Variants in NBEA observed in about 807,000 individuals in gnomAD.
NBEA encodes lysosomal-trafficking regulator 2.
A neutral mutation model predicts 343.4 loss-of-function variants in NBEA; 44 were observed. The observed-to-expected ratio is 0.13, with a 90% CI of 0.10 to 0.16. NBEA has a LOEUF of 0.16. NBEA is among the 10% of genes least tolerant of loss of function. The pLI, the probability that NBEA is intolerant of heterozygous loss-of-function variation, is 1.00. For missense variants in NBEA, 2,555 were observed against 3,631.3 expected, an observed-to-expected ratio of 0.70 and a Z score of 7.62; for synonymous variants, 1,175 against 1,238.7, an observed-to-expected ratio of 0.95 and a Z score of 1.08.
At chr13:35,459,165 G>A (rs1594708921) in intron 40 of NBEA, among the ~76,000 whole-genome samples, 1 of 151,996 alleles carries the variant, frequency 6.6e-6, no homozygotes, top group South Asian at 2.1e-4. Flanking sequence ...GACCCACTTT[G>A]TTGCCCATGA....
rs1032458948 is a variant in NBEA at position 35,015,923 on chromosome 13, C to T, written c.295-25010C>T. 6.6e-5 allele frequency among the ~76,000 whole-genome samples: 10 copies of T among 151,836 alleles called. No homozygotes were observed. The East Asian group carries it at 7.7e-4, about 12-fold the overall frequency. On this transcript the variant is annotated intron_variant, in intron 1 of 58. Coordinates refer to ENST00000379939, the MANE Select transcript of NBEA (RefSeq NM_001385012.1). ...ATAATTATGGCTGAATTTTGAGATT[C>T]GGATAAAAAAGGAATATAGATATTA...
intron 34 of NBEA, among the ~76,000 whole-genome samples, chr13:35,253,104 C>T (rs1022961775): frequency 6.6e-6 from 1 of 152,146 alleles, no homozygotes; most frequent in East Asian, 1.9e-4. Context: ...TTGAAGGAAA[C>T]AACCATGGGA....
chr13:35,470,768 C>A (rs144218804), intron 40 of NBEA, among the ~76,000 whole-genome samples: 1 of 152,198 alleles, frequency 6.6e-6, no homozygotes, highest in South Asian at 2.1e-4. Context: ...CAGGAGGCGC[C>A]GCCAAGCGCG....
intron 1 of NBEA, among the ~76,000 whole-genome samples, chr13:35,008,013 T>C (rs1011499556): frequency 8.5e-5 from 13 of 152,202 alleles, no homozygotes; most frequent in African/African-American, 3.1e-4. Context: ...AGGCTTTGGA[T>C]ACTGTTATCT....
At chr13:35,025,746 C>G (rs2061999110) in intron 1 of NBEA, among the ~76,000 whole-genome samples, 1 of 152,144 alleles carries the variant, frequency 6.6e-6, no homozygotes, top group Non-Finnish European at 1.5e-5. Flanking sequence ...TCACTTGTCT[C>G]TCACTAGTTT....
At chr13:35,246,814 G>A (rs1455010994) in intron 34 of NBEA, among the ~76,000 whole-genome samples, 1 of 152,164 alleles carries the variant, frequency 6.6e-6, no homozygotes, top group Non-Finnish European at 1.5e-5. Flanking sequence ...GGGAGGATCA[G>A]GTGGTAGTAT....
chr13:35,072,541 CTTTT>C (rs945644022), intron 10 of NBEA, among the ~76,000 whole-genome samples: 6 of 151,652 alleles, frequency 4.0e-5, no homozygotes, highest in South Asian at 2.1e-4. Context: ...TCTATTATGT[CTTTT>C]GTTTGTTTGT....
intron 7 of NBEA, 136 bp from the exon 8 acceptor site, chr13:35,058,581 T>C: frequency 1.4e-6 from 1 of 710,858 alleles, no homozygotes; most frequent in Non-Finnish European, 2.3e-6. Context: ...ATTAAAATAA[T>C]AAAGTCTTAA....
rs369842812 is a variant in NBEA at position 35,183,986 on chromosome 13, A to G, written c.4842A>G (p.Ile1614Met). The G allele has an allele frequency of 2.1e-5, 34 of 1,610,570 alleles. No homozygotes were observed. The highest frequency in any genetic ancestry group is 5.3e-5 in the African/African-American group (4 of 74,884). ...TGATTTTCTCCACAGTTGTGGTCATACCATCTATCCCTCATCCAAGTTTGA... is the reference window on the plus strand; with the variant it reads ...TGATTTTCTCCACAGTTGTGGTCATGCCATCTATCCCTCATCCAAGTTTGA... ...INSPTSTVVV[I>M]PSIPHPSLNH... Residue 1614 changes from isoleucine (I) to methionine (M), a missense_variant, in exon 30 of 59, where the codon ATA (isoleucine) becomes ATG (methionine). Ile to Met is a conservative substitution (Grantham distance 10). Coordinates refer to ENST00000379939, the MANE Select transcript of NBEA (RefSeq NM_001385012.1).
At chr13:35,318,901 T>C (rs184097274) in intron 36 of NBEA, among the ~76,000 whole-genome samples, 201 of 152,344 alleles carry the variant, frequency 1.3e-3, no homozygotes, top group African/African-American at 4.7e-3. Flanking sequence ...GAGGTGTTTA[T>C]AGTATTCTCT....
At chr13:35,415,133 G>T (rs1204971128) in intron 38 of NBEA, among the ~76,000 whole-genome samples, 10 of 152,102 alleles carry the variant, frequency 6.6e-5, no homozygotes, top group Non-Finnish European at 1.5e-4. Flanking sequence ...CTGGATATTA[G>T]CCCTTTGTCA....
At chr13:35,501,833 C>T (rs1034728108) in intron 41 of NBEA, among the ~76,000 whole-genome samples, 5 of 152,060 alleles carry the variant, frequency 3.3e-5, no homozygotes, top group Middle Eastern at 3.2e-3. Flanking sequence ...TCCAATATGA[C>T]GGGGGCGGGG....
chr13:35,276,994 G>A (rs767961099), intron 34 of NBEA, among the ~76,000 whole-genome samples: 4 of 152,122 alleles, frequency 2.6e-5, no homozygotes, highest in Non-Finnish European at 4.4e-5. Flanking sequence ...TTTTAACAGA[G>A]TAATGGAAAG....
chr13:34,942,454 C>T lies in NBEA; in HGVS notation c.-367C>T. 1 of 163,106 alleles carries T rather than the reference C, an allele frequency of 6.1e-6. No homozygotes were observed. Among genetic ancestry groups the T allele is most frequent in the Non-Finnish European group, 1.3e-5 (1 of 74,964 alleles). The allele number at this position is 163,106 out of a possible 1,614,324, so 10.1% of individuals were successfully genotyped here. A position where few individuals can be genotyped will look rare whatever the true frequency, so the allele number is the denominator to read the frequency against. The stretch of plus-strand genomic sequence containing the variant: ...GCTCGCGTCCTCGGGCTTCTCGGAG[C>T]GGCTGCAGCATCTCCGCGGGGGGCG... On this transcript the variant is annotated 5_prime_UTR_variant, in exon 1 of 59. Coordinates refer to ENST00000379939, the MANE Select transcript of NBEA (RefSeq NM_001385012.1).
rs2085631356 is a variant in NBEA at position 35,671,964 on chromosome 13, T to G, written c.*973T>G. On this transcript the variant is annotated 3_prime_UTR_variant, in exon 59 of 59. Coordinates refer to ENST00000379939, the MANE Select transcript of NBEA (RefSeq NM_001385012.1). ...GGGGAGGATAATCTGATGCTAACTT[T>G]TTTTTTCTCTTTGGTTCTTGAATAG... The G allele has an allele frequency of 6.6e-6, 1 of 152,450 alleles. No individual in the cohort carries two copies. The highest frequency in any genetic ancestry group is 2.4e-5 in the African/African-American group (1 of 41,468). 9.4% of individuals were successfully genotyped at this position (152,450 alleles called of 1,614,324 possible).
chr13:35,008,760 A>G (rs1315688007), intron 1 of NBEA, among the ~76,000 whole-genome samples: 1 of 152,164 alleles, frequency 6.6e-6, no homozygotes, highest in African/African-American at 2.4e-5. Flanking sequence ...ATCATACAAT[A>G]TGGTCTGTTG....
At chr13:35,124,026 C>G (rs1259733878) in intron 17 of NBEA, among the ~76,000 whole-genome samples, 1 of 151,980 alleles carries the variant, frequency 6.6e-6, no homozygotes, top group African/African-American at 2.4e-5. Context: ...CTTAAAGATG[C>G]TAGAATACCT....
At chr13:35,581,900 G>GAAAAAAAAAAAAAAAAAAAAAAA (rs2081062618) in intron 45 of NBEA, among the ~76,000 whole-genome samples, 1 of 92,782 alleles carries the variant, frequency 1.1e-5, no homozygotes, top group African/African-American at 3.4e-5. Flanking sequence ...AAAAAAAAAA[G>GAAAAAAAAAAAAAAAAAAAAAAA]AAAAGAAAAA....
intron 49 of NBEA, among the ~76,000 whole-genome samples, chr13:35,632,171 T>C (rs992383290): frequency 6.6e-6 from 1 of 152,218 alleles, no homozygotes; most frequent in Admixed American, 6.5e-5. Flanking sequence ...TCGGTTTTTA[T>C]ATATTAATAA....
Sources: allele counts gnomAD v4.1 joint callset (sites outside exome capture counted in the v4.1 genomes callset), GRCh38; gene constraint gnomAD v4.1.1; transcripts MANE v1.5; gene names NCBI Gene and HGNC (gene_info 2026-07-23, HGNC 2026-07-21).